The following CCHCR1 variants were observed in gnomAD, a reference collection of about 807,000 sequenced individuals.
The protein encoded by CCHCR1 is HCR (a-helix coiled-coil rod homologue).
In CCHCR1, 91 loss-of-function variants were observed where a neutral mutation model predicts 114.6. The ratio of observed to expected loss-of-function variants is 0.79; its 90% CI spans 0.67 to 0.94. The LOEUF (loss-of-function observed/expected upper bound fraction) is 0.94, where lower values mean the gene tolerates loss of function less well. CCHCR1 is among the 40% of genes least tolerant of loss of function. CCHCR1 has a pLI of 0.00. For missense variants in CCHCR1, 899 were observed against 1,079.9 expected (o/e 0.83, Z 2.35); for synonymous variants, 379 against 428.5 (o/e 0.88, Z 1.43).
At position 31,145,717 on chromosome 6, in the gene CCHCR1, G is replaced by A. The variant is rs763540451; in HGVS notation, c.1672C>T (p.Arg558Cys). 12 of 1,613,408 alleles carry A rather than the reference G, an allele frequency of 7.4e-6. No homozygotes were observed. The highest frequency in any genetic ancestry group is 1.7e-5 in the Admixed American group (1 of 59,986). The change falls in exon 11 of 18, where the codon CGC (arginine) becomes TGC (cysteine). Residue 558 changes from arginine (R) to cysteine (C), a missense_variant. Arg to Cys is a radical substitution (Grantham distance 180). Coordinates refer to ENST00000396268, the MANE Select transcript of CCHCR1 (RefSeq NM_001105564.2). ...GCACCCCGAATGGTGTGGACCTTGC[G>A]GACAGCATAGCTGAGTCGGTTGTTG... is the stretch of plus-strand genomic sequence containing the variant. ...SLNNRLSYAV[R>C]KVHTIRGLIA...
rs1775782908 is a variant in CCHCR1, at chr6:31,154,986, G to A, written c.498-187C>T. Among the ~76,000 whole-genome samples, 1 of 152,112 alleles carries A rather than the reference G, an allele frequency of 6.6e-6. No homozygotes were observed. Among genetic ancestry groups the A allele is most frequent in the East Asian group, 1.9e-4 (1 of 5,196 alleles). ...CATCATCATTCATCAAAGCCCTATT[G>A]AGCATGTTGAGTCCAGTGCCTGGAC... On this transcript the variant is annotated intron_variant, in intron 3 of 17. Transcript: ENST00000396268. The surrounding 1 kb of genome is among the most constrained non-coding windows in gnomAD (Gnocchi z 4.1).
chr6:31,149,025 G>A (rs999242018), intron 8 of CCHCR1: 2 of 353,586 alleles, frequency 5.7e-6, no homozygotes, highest in Non-Finnish European at 1.1e-5. Flanking sequence ...GATGGCATGT[G>A]CCTGTAATCC....
In CCHCR1 at chr6:31,143,404, A is replaced by G. The variant is rs757621536; in HGVS notation, c.2177T>C (p.Leu726Ser). 4.6e-5 allele frequency: 74 copies of G among 1,612,624 alleles called. No individual in the cohort carries two copies. Among genetic ancestry groups the G allele is most frequent in the Non-Finnish European group, 6.0e-5 (71 of 1,179,920 alleles). Reference sequence around the variant, plus strand: ...GGCGGCTCTGCGCTGAATCTGGCGTAAGGAGACCACTACAGAGAGGCCAAG... The same window carrying G: ...GGCGGCTCTGCGCTGAATCTGGCGTGAGGAGACCACTACAGAGAGGCCAAG... ...RREHAKAVVS[L>S]RQIQRRAAQE... The change falls in exon 16 of 18, where the codon TTA (leucine) becomes TCA (serine). Residue 726 changes from leucine to serine, a missense_variant. Leu to Ser is a moderately radical substitution (Grantham distance 145). Coordinates refer to ENST00000396268, the MANE Select transcript of CCHCR1 (RefSeq NM_001105564.2). This position sits in a 1 kb window ranked among gnomAD's most constrained non-coding sequence, Gnocchi z 5.3.
In CCHCR1 at chr6:31,143,378, GGGC is replaced by G; in HGVS notation, c.2200_2202del (p.Ala734del). 6.2e-7 allele frequency: 1 copy of G among 1,612,948 alleles called. No homozygotes were observed. The highest frequency in any genetic ancestry group is 8.5e-7 in the Non-Finnish European group (1 of 1,180,030). ...AGTTCCTGGCTCCGCTCCTTTTCCT[GGGC>G]GGCTCTGCGCTGAATCTGGCGTAAG... On this transcript the variant is annotated inframe_deletion, in exon 16 of 18. Transcript: ENST00000396268. This position sits in a 1 kb window ranked among gnomAD's most constrained non-coding sequence, Gnocchi z 5.3.
Position 31,151,699 on chromosome 6 carries a change from T to TA in CCHCR1, c.802-578dup, listed in dbSNP as rs1305649474. On this transcript the variant is annotated intron_variant, in intron 4 of 17. Coordinates refer to ENST00000396268, the MANE Select transcript of CCHCR1 (RefSeq NM_001105564.2). This position sits in a 1 kb window ranked among gnomAD's most constrained non-coding sequence, Gnocchi z 4.1. The stretch of plus-strand genomic sequence containing the variant: ...AGCTGTTCACGTCCTCCTGAGCACT[T>TA]AGCACTGACCATATCTTGCTTATGT... 1.3e-5 allele frequency among the ~76,000 whole-genome samples: 2 copies of TA among 152,210 alleles called. No homozygotes were observed. The highest frequency in any genetic ancestry group is 2.9e-5 in the Non-Finnish European group (2 of 68,044).
In CCHCR1 at chr6:31,157,083, T is replaced by G; in HGVS notation, c.223A>C (p.Ile75Leu). The G allele has an allele frequency of 6.2e-7, 1 of 1,610,688 alleles. No individual in the cohort carries two copies. Among genetic ancestry groups the G allele is most frequent in the Non-Finnish European group, 8.5e-7 (1 of 1,178,480 alleles). Residue 75 changes from isoleucine (I) to leucine (L), a missense_variant, in exon 2 of 18, where the codon ATA becomes CTA. Physicochemically the swap from Ile to Leu is conservative, Grantham distance 5. Coordinates refer to ENST00000396268, the MANE Select transcript of CCHCR1 (RefSeq NM_001105564.2). ...DHRNLRRRGN[I>L]DGWRQNLEPS... ...TCTAGATTCTGTCTCCAGCCATCTA[T>G]GTTCCCCTGGACAAGAGGAGAAACA...
chr6:31,156,650 G>A (rs975822213), intron 3 of CCHCR1, 81 bp downstream of exon 3: 71 of 1,245,236 alleles, frequency 5.7e-5, no homozygotes, highest in South Asian at 1.3e-4. Flanking sequence ...AACTAGGGCC[G>A]AAATAGGGTA....
chr6:31,143,477 T>C lies in CCHCR1; in HGVS notation c.2168-64A>G. ...TCAGGCCAGAGGCAGCCAGGCACCA[T>C]GAAGACAGGAACAAACGCTGGGTCA... On this transcript the variant is annotated intron_variant, in intron 15 of 17. Coordinates refer to ENST00000396268, the MANE Select transcript of CCHCR1 (RefSeq NM_001105564.2). This position sits in a 1 kb window ranked among gnomAD's most constrained non-coding sequence, Gnocchi z 5.3. 1.3e-6 allele frequency: 2 copies of C among 1,573,424 alleles called. No homozygotes were observed. The highest frequency in any genetic ancestry group is 1.7e-6 in the Non-Finnish European group (2 of 1,156,428).
In CCHCR1 at chr6:31,142,654, CT is replaced by C. The variant is rs1385029864; in HGVS notation, c.2553del (p.Ala852LeufsTer18). On this transcript the variant is annotated frameshift_variant, in exon 18 of 18. Transcript: ENST00000396268. LOFTEE classifies it low-confidence loss of function (END_TRUNC). ...QDLSEAISKE[E>X]AVCQGDNLDR... Reference sequence around the variant, plus strand: ...TCAAGGTTGTCTCCTTGACAAACAGCTTCCTCTTTGGAAATGGCTTCACTCA... The same window carrying C: ...TCAAGGTTGTCTCCTTGACAAACAGCTCCTCTTTGGAAATGGCTTCACTCA... 6.2e-7 allele frequency: 1 copy of C among 1,613,402 alleles called. No homozygotes were observed. Among genetic ancestry groups the C allele is most frequent in the Non-Finnish European group, 8.5e-7 (1 of 1,179,974 alleles).
Position 31,154,629 on chromosome 6 carries a change from C to T in CCHCR1, c.668G>A (p.Arg223Gln), listed in dbSNP as rs764965964. Residue 223 changes from arginine to glutamine, a missense_variant, in exon 4 of 18, where the codon CGG (arginine) becomes CAG (glutamine). Transcript: ENST00000396268. The surrounding 1 kb of genome is among the most constrained non-coding windows in gnomAD (Gnocchi z 4.1). Reference protein sequence around the residue: ...AQAMELEALARAEKAGRAEAE... With the variant: ...AQAMELEALAQAEKAGRAEAE... The stretch of plus-strand genomic sequence containing the variant: ...CTCAGCTCGGCCGGCCTTCTCCGCC[C>T]GTGCCAGAGCCTCTAGCTCCATGGC... 7 of 1,612,758 alleles carry T rather than the reference C, an allele frequency of 4.3e-6. No individual in the cohort carries two copies. The highest frequency in any genetic ancestry group is 1.3e-5 in the African/African-American group (1 of 74,950).
At chr6:31,152,472 G>C (rs1223778080) in intron 4 of CCHCR1, among the ~76,000 whole-genome samples, 6 of 128,862 alleles carry the variant, frequency 4.7e-5, no homozygotes, top group Admixed American at 2.5e-4. Context: ...CTGAGTAGCT[G>C]AGATTACAGG....
rs758152121 is a variant in CCHCR1 at position 31,144,911 on chromosome 6, G to A, written c.2039C>T (p.Thr680Ile). The change falls in exon 14 of 18, where the codon ACC (threonine) becomes ATC (isoleucine). Residue 680 changes from threonine to isoleucine, a missense_variant. By Grantham distance (89) the Thr-to-Ile change is moderately conservative. Coordinates refer to ENST00000396268, the MANE Select transcript of CCHCR1 (RefSeq NM_001105564.2). The surrounding 1 kb of genome is among the most constrained non-coding windows in gnomAD (Gnocchi z 4.6). ...EEAASLRQEL[T>I]QQQELYGQAL... ...TTGCCCGTAGAGTTCCTGCTGCTGG[G>A]TCAGCTCCTGCCGCAGACTGGCAGC... The A allele has an allele frequency of 1.9e-6, 3 of 1,613,250 alleles. No homozygotes were observed. In the South Asian group the frequency reaches 3.3e-5, roughly 18 times the overall value.
intron 1 of CCHCR1, 104 bp from the exon 2 acceptor site, chr6:31,157,193 G>A: frequency 1.8e-6 from 2 of 1,084,934 alleles, no homozygotes; most frequent in Non-Finnish European, 2.8e-6. Context: ...ATTATAGCCA[G>A]GTCCACCCGA....
At chr6:31,146,815 C>T (rs1159626940) in intron 10 of CCHCR1, among the ~76,000 whole-genome samples, 3 of 152,180 alleles carry the variant, frequency 2.0e-5, no homozygotes, top group Non-Finnish European at 4.4e-5. Flanking sequence ...CAAAGTCAAA[C>T]CCTGTCCACA....
At chr6:31,147,438 G>T (rs935306966) in intron 10 of CCHCR1, among the ~76,000 whole-genome samples, 1 of 150,040 alleles carries the variant, frequency 6.7e-6, no homozygotes, top group Non-Finnish European at 1.5e-5. Context: ...ACCTGCCTTG[G>T]GTACCTCAGT....
Position 31,151,239 on chromosome 6 carries a change from G to T in CCHCR1, c.802-117C>A. On this transcript the variant is annotated intron_variant, in intron 4 of 17. Coordinates refer to ENST00000396268, the MANE Select transcript of CCHCR1 (RefSeq NM_001105564.2). The surrounding 1 kb of genome is among the most constrained non-coding windows in gnomAD (Gnocchi z 4.1). ...ATGACCCAACCAATCAGCCAACTGT[G>T]CACAGCAAATGGAGAGCTGGCAACT... The T allele has an allele frequency of 8.9e-7, 1 of 1,125,034 alleles. No homozygotes were observed. The highest frequency in any genetic ancestry group is 1.3e-6 in the Non-Finnish European group (1 of 792,484). 69.7% of individuals were successfully genotyped at this position (1,125,034 alleles called of 1,614,324 possible).
Position 31,157,415 on chromosome 6 carries a change from G to A in CCHCR1, c.186C>T (p.Ser62=), listed in dbSNP as rs780297771. ...CVPPFSPLAR[S]SRDHRNLRRR... is the part of the protein sequence containing the mutation. ...TCCTTAAGTTTCTATGGTCCCTGCTGCTCCTGGCCAGAGGTGAGAAAGGAG... is the reference window on the plus strand; with the variant it reads ...TCCTTAAGTTTCTATGGTCCCTGCTACTCCTGGCCAGAGGTGAGAAAGGAG... Residue 62 remains serine (S), a synonymous_variant, in exon 1 of 18, where the codon AGC becomes AGT. Coordinates refer to ENST00000396268, the MANE Select transcript of CCHCR1 (RefSeq NM_001105564.2). 8 of 1,612,772 alleles carry A rather than the reference G, an allele frequency of 5.0e-6. No homozygotes were observed. The Admixed American group carries it at 6.7e-5, about 13-fold the overall frequency.
At position 31,154,779 on chromosome 6, in the gene CCHCR1, G is replaced by A. The variant is rs1775753170; in HGVS notation, c.518C>T (p.Ser173Leu). ...CTCAGCCTGCTGGCTCAGGGCCTGTGACCCCTCCAGCCCCCAGGACCTTCA... is the reference window on the plus strand; with the variant it reads ...CTCAGCCTGCTGGCTCAGGGCCTGTAACCCCTCCAGCCCCCAGGACCTTCA... ...RRGRSWGLEG[S>L]QALSQQAEVI... The change falls in exon 4 of 18, where the codon TCA becomes TTA. Residue 173 changes from serine to leucine, a missense_variant. Ser to Leu is a moderately radical substitution (Grantham distance 145, BLOSUM62 -2). Transcript: ENST00000396268. The surrounding 1 kb of genome is among the most constrained non-coding windows in gnomAD (Gnocchi z 4.1). The A allele has an allele frequency of 6.2e-7, 1 of 1,604,532 alleles. No individual in the cohort carries two copies.
chr6:31,143,403 T>C lies in CCHCR1; in HGVS notation c.2178A>G (p.Leu726=), dbSNP rs130073. ...RREHAKAVVS[L]RQIQRRAAQE... ...GGGCGGCTCTGCGCTGAATCTGGCGTAAGGAGACCACTACAGAGAGGCCAA... is the reference window on the plus strand; with the variant it reads ...GGGCGGCTCTGCGCTGAATCTGGCGCAAGGAGACCACTACAGAGAGGCCAA... The change falls in exon 16 of 18, where the codon TTA becomes TTG. Residue 726 remains leucine, a synonymous_variant. Transcript: ENST00000396268. This position sits in a 1 kb window ranked among gnomAD's most constrained non-coding sequence, Gnocchi z 5.3. The C allele has an allele frequency of 0.71, 1,150,300 of 1,612,520 alleles. 411,003 individuals are homozygous for C. Among genetic ancestry groups the C allele is most frequent in the Middle Eastern group, 0.77 (4,660 of 6,060 alleles).
Sources: allele counts gnomAD v4.1 joint callset (sites outside exome capture counted in the v4.1 genomes callset), GRCh38; gene constraint gnomAD v4.1.1; non-coding constraint Gnocchi (gnomAD v3.1); transcripts MANE v1.5; gene names NCBI Gene and HGNC (gene_info 2026-07-23, HGNC 2026-07-21).